SERGEF: variants seen among roughly 807,000 people sequenced by gnomAD.
SERGEF encodes secretion regulating guanine nucleotide exchange factor.
In SERGEF, 51 loss-of-function variants were observed where a neutral mutation model predicts 50.0. The observed-to-expected ratio is 1.02, with a 90% CI of 0.81 to 1.29. SERGEF has a LOEUF of 1.29. SERGEF is among the 50% of genes most tolerant of loss of function. The pLI, the probability that SERGEF is intolerant of heterozygous loss-of-function variation, is 0.00. For synonymous variants in SERGEF, 205 were observed against 212.4 expected (o/e 0.97, Z 0.30); for missense variants, 521 against 557.0 (o/e 0.94, Z 0.65).
At chr11:17,872,952 AT>A (rs1013303061) in intron 10 of SERGEF, among the ~76,000 whole-genome samples, 2 of 152,228 alleles carry the variant, frequency 1.3e-5, no homozygotes, top group African/African-American at 4.8e-5. Flanking sequence ...TCACTTACAT[AT>A]GTAAAAGGAC....
chr11:17,921,670 C>T (rs1852158112), intron 9 of SERGEF, among the ~76,000 whole-genome samples: 1 of 152,152 alleles, frequency 6.6e-6, no homozygotes, highest in Non-Finnish European at 1.5e-5. Flanking sequence ...AGAGTCCTCA[C>T]CCCAGGGGAG....
intron 9 of SERGEF, among the ~76,000 whole-genome samples, chr11:17,899,202 G>A (rs1190125068): frequency 6.6e-6 from 1 of 152,154 alleles, no homozygotes; most frequent in Admixed American, 6.5e-5. Context: ...CTTTATAGCA[G>A]TGTGAGAACA....
At chr11:17,949,029 C>T (rs2133962465) in intron 9 of SERGEF, among the ~76,000 whole-genome samples, 2 of 152,262 alleles carry the variant, frequency 1.3e-5, no homozygotes, top group Middle Eastern at 3.4e-3. Context: ...TGTAACCATA[C>T]AAAGATTAAC....
intron 9 of SERGEF, among the ~76,000 whole-genome samples, chr11:17,912,692 A>G (rs1851977489): frequency 6.6e-6 from 1 of 152,224 alleles, no homozygotes; most frequent in African/African-American, 2.4e-5. Flanking sequence ...GAGGCATAAT[A>G]AAGGACTTGC....
chr11:17,934,226 C>T (rs779233538), intron 9 of SERGEF, among the ~76,000 whole-genome samples: 1 of 152,070 alleles, frequency 6.6e-6, no homozygotes, highest in Non-Finnish European at 1.5e-5. Flanking sequence ...TCTTTAACTG[C>T]TATATTAATA....
chr11:17,918,884 G>A, intron 9 of SERGEF: 1 of 342,682 alleles, frequency 2.9e-6, no homozygotes, highest in Non-Finnish European at 5.7e-6. Context: ...TTACAGAACT[G>A]CAAGTTATCC....
chr11:17,948,543 A>C (rs1170612467), intron 9 of SERGEF, among the ~76,000 whole-genome samples: 1 of 152,226 alleles, frequency 6.6e-6, no homozygotes, highest in Non-Finnish European at 1.5e-5. Flanking sequence ...CACAGAGAAG[A>C]AACTAAAAAA....
intron 10 of SERGEF, among the ~76,000 whole-genome samples, chr11:17,788,825 A>G (rs112954856): frequency 5.3e-4 from 81 of 152,342 alleles, no homozygotes; most frequent in African/African-American, 1.9e-3. Flanking sequence ...GGCCATGCCA[A>G]TAGCCAACTA....
At chr11:17,807,251 G>T (rs559399558) in intron 10 of SERGEF, among the ~76,000 whole-genome samples, 1 of 152,266 alleles carries the variant, frequency 6.6e-6, no homozygotes, top group Non-Finnish European at 1.5e-5. Context: ...GCAGACCAAG[G>T]TTCGGAATGC....
intron 10 of SERGEF, among the ~76,000 whole-genome samples, chr11:17,852,116 C>T (rs1850725442): frequency 6.6e-6 from 1 of 152,120 alleles, no homozygotes; most frequent in East Asian, 1.9e-4. Context: ...CATGCCGGGC[C>T]CTTTATACCC....
rs188389990 is a variant in SERGEF at position 17,836,881 on chromosome 11, C to T, written c.1048+41327G>A. Among the ~76,000 whole-genome samples, 515 of 152,290 alleles carry T rather than the reference C, an allele frequency of 3.4e-3. 4 individuals carry two copies. The highest frequency in any genetic ancestry group is 0.014 in the Middle Eastern group (4 of 294). On this transcript the variant is annotated intron_variant, in intron 10 of 10. Coordinates refer to ENST00000265965, the MANE Select transcript of SERGEF (RefSeq NM_012139.4). ...GATTCACCTATCTACAAGTTTACCT[C>T]TCCAGAGACAAGGGGAGTCCAAAAG...
chr11:17,826,060 C>A (rs777765692), intron 10 of SERGEF, among the ~76,000 whole-genome samples: 8 of 152,138 alleles, frequency 5.3e-5, no homozygotes, highest in Non-Finnish European at 1.2e-4. Flanking sequence ...AATTAACTAC[C>A]AAAACATATA....
At chr11:17,872,747 A>G (rs1254482474) in intron 10 of SERGEF, among the ~76,000 whole-genome samples, 3 of 152,246 alleles carry the variant, frequency 2.0e-5, no homozygotes, top group African/African-American at 7.2e-5. Context: ...GTCCATGAAC[A>G]GGTCACTAGT....
At chr11:17,928,495 T>C (rs1426927741) in intron 9 of SERGEF, among the ~76,000 whole-genome samples, 1 of 152,112 alleles carries the variant, frequency 6.6e-6, no homozygotes, top group Admixed American at 6.6e-5. Context: ...TCTGACTTCT[T>C]ATCTGTCTCT....
chr11:17,910,187 A>T (rs202186648), intron 9 of SERGEF, among the ~76,000 whole-genome samples: 2,047 of 119,576 alleles, frequency 0.017, 87 homozygotes, highest in East Asian at 0.17. Context: ...ACACACACAC[A>T]CACACACTCT....
chr11:17,843,474 G>C (rs948181875), intron 10 of SERGEF, among the ~76,000 whole-genome samples: 2 of 152,188 alleles, frequency 1.3e-5, no homozygotes, highest in African/African-American at 4.8e-5. Flanking sequence ...AGTTTAAAGA[G>C]ATTAAATGAC....
In SERGEF at chr11:17,958,846, C is replaced by A. The variant is rs1383846098; in HGVS notation, c.1011+624G>T. Among the ~76,000 whole-genome samples the A allele has an allele frequency of 2.0e-5, 3 of 151,970 alleles. No individual in the cohort carries two copies. In the East Asian group the frequency reaches 5.8e-4, roughly 29 times the overall value. ...GCACAGATCAGAGCCTTGTCATTTT[C>A]TTTTTTTGTTGTTTTTTTTGTTTTT... On this transcript the variant is annotated intron_variant, in intron 9 of 10. Coordinates refer to ENST00000265965, the MANE Select transcript of SERGEF (RefSeq NM_012139.4).
intron 9 of SERGEF, among the ~76,000 whole-genome samples, chr11:17,916,118 A>G (rs1276435320): frequency 2.6e-5 from 4 of 152,188 alleles, no homozygotes; most frequent in Non-Finnish European, 1.5e-5. Flanking sequence ...ATGAAGACCA[A>G]TTTCCTAGAA....
intron 9 of SERGEF, among the ~76,000 whole-genome samples, chr11:17,954,405 C>T (rs577066175): frequency 6.6e-6 from 1 of 152,292 alleles, no homozygotes; most frequent in Admixed American, 6.5e-5. Context: ...GGGTTTTACA[C>T]AAGCATTCAA....
Sources: allele counts gnomAD v4.1 joint callset (sites outside exome capture counted in the v4.1 genomes callset), GRCh38; gene constraint gnomAD v4.1.1; transcripts MANE v1.5; gene names NCBI Gene and HGNC (gene_info 2026-07-23, HGNC 2026-07-21).